The following TBC1D1 variants were observed in gnomAD, a reference collection of about 807,000 sequenced individuals.
TBC1D1 encodes the protein TBC1 domain family member 1, also known as TBC1 (tre-2/USP6, BUB2, cdc16) domain family, member 1.
A neutral mutation model predicts 125.6 loss-of-function variants in TBC1D1; 89 were observed. The observed-to-expected ratio is 0.71, with a 90% CI of 0.60 to 0.85. TBC1D1 has a LOEUF of 0.85. Ranked by LOEUF, TBC1D1 falls within the 40% of genes least tolerant of loss-of-function variation. The pLI is 0.00. For synonymous variants in TBC1D1, 565 were observed against 564.1 expected (o/e 1.00, Z -0.02); for missense variants, 1,377 against 1,469.2 (o/e 0.94, Z 1.03).
At chr4:38,047,492 G>C (rs887385213) in intron 10 of TBC1D1, among the ~76,000 whole-genome samples, 1 of 152,128 alleles carries the variant, frequency 6.6e-6, no homozygotes, top group African/African-American at 2.4e-5. Flanking sequence ...GTGTCGTCCA[G>C]CCTCCATCTA....
intron 1 of TBC1D1, among the ~76,000 whole-genome samples, chr4:37,891,597 G>A (rs1195655761): frequency 2.9e-5 from 4 of 139,144 alleles, no homozygotes; most frequent in Non-Finnish European, 6.1e-5. Flanking sequence ...CGACCCGAGA[G>A]CTCCGCCGGC....
chr4:38,092,253 A>G (rs1211657899), intron 13 of TBC1D1, among the ~76,000 whole-genome samples: 1 of 152,212 alleles, frequency 6.6e-6, no homozygotes, highest in Non-Finnish European at 1.5e-5. Flanking sequence ...TTTAAGCAAA[A>G]TGATGTATAA....
chr4:37,985,229 A>G (rs1181017228), intron 2 of TBC1D1, among the ~76,000 whole-genome samples: 1 of 152,214 alleles, frequency 6.6e-6, no homozygotes, highest in African/African-American at 2.4e-5. Flanking sequence ...CTGGGATTAC[A>G]GGCGTGAGCC....
chr4:38,050,523 A>G (rs915822218), intron 11 of TBC1D1, among the ~76,000 whole-genome samples: 1 of 152,240 alleles, frequency 6.6e-6, no homozygotes, highest in East Asian at 1.9e-4. Flanking sequence ...GGAGAAGAGT[A>G]ATCAGAAGTT....
chr4:38,014,462 C>A lies in TBC1D1; in HGVS notation c.418-47C>A. 1 of 1,570,614 alleles carries A rather than the reference C, an allele frequency of 6.4e-7. No individual in the cohort carries two copies. The highest frequency in any genetic ancestry group is 8.7e-7 in the Non-Finnish European group (1 of 1,146,622). ...GCATGGTGCATTCATTCCGTGAGTG[C>A]CAGCCACACTGCATGTTCCAAATAA... On this transcript the variant is annotated intron_variant, in intron 2 of 19. Transcript: ENST00000261439. This position sits in a 1 kb window ranked among gnomAD's most constrained non-coding sequence, Gnocchi z 5.1.
chr4:38,115,328 C>T (rs1201907555), intron 15 of TBC1D1, among the ~76,000 whole-genome samples: 1 of 152,116 alleles, frequency 6.6e-6, no homozygotes, highest in Non-Finnish European at 1.5e-5. Context: ...TCTCGAACTC[C>T]TGACCTCAGG....
chr4:37,925,146 C>G (rs558283369), intron 2 of TBC1D1, among the ~76,000 whole-genome samples: 3 of 152,168 alleles, frequency 2.0e-5, no homozygotes, highest in Non-Finnish European at 4.4e-5. Context: ...GGCTCCATGC[C>G]GAGGCACACA....
At chr4:38,075,100 A>G (rs565771914) in intron 12 of TBC1D1, among the ~76,000 whole-genome samples, 1 of 152,322 alleles carries the variant, frequency 6.6e-6, no homozygotes, top group African/African-American at 2.4e-5. Context: ...TACCTCTTTA[A>G]TGATGTTTTT....
intron 2 of TBC1D1, among the ~76,000 whole-genome samples, chr4:37,954,924 T>C (rs1238672376): frequency 7.2e-6 from 1 of 139,116 alleles, no homozygotes; most frequent in Non-Finnish European, 1.5e-5. Context: ...TCTCTCTCTG[T>C]CGTCCAGGCT....
rs988997974 is a variant in TBC1D1 at position 38,045,967 on chromosome 4, T to C, written c.1629+64T>C. On this transcript the variant is annotated intron_variant, in intron 10 of 19. Coordinates refer to ENST00000261439, the MANE Select transcript of TBC1D1 (RefSeq NM_015173.4). ...CAACAAATAGGTCTTGCTCATCTCC[T>C]GTCTACATACCTCCAATCATAAAAC... The C allele has an allele frequency of 2.9e-6, 4 of 1,367,938 alleles. No homozygotes were observed. In the African/African-American group the frequency reaches 5.7e-5, roughly 20 times the overall value. 84.7% of individuals were successfully genotyped at this position (1,367,938 alleles called of 1,614,324 possible).
chr4:38,089,809 T>G lies in TBC1D1; in HGVS notation c.2051-123T>G. ...TGCCAATGCATATTAACACAGGAAT[T>G]TTAAATTTGGTGATATTATTATATT... is the stretch of plus-strand genomic sequence containing the variant. On this transcript the variant is annotated intron_variant, in intron 12 of 19. Coordinates refer to ENST00000261439, the MANE Select transcript of TBC1D1 (RefSeq NM_015173.4). The G allele has an allele frequency of 3.7e-6, 4 of 1,073,222 alleles. No homozygotes were observed. In the South Asian group the frequency reaches 7.7e-5, roughly 21 times the overall value. The allele number at this position is 1,073,222 out of a possible 1,614,324, so 66.5% of individuals were successfully genotyped here. A position where few individuals can be genotyped will look rare whatever the true frequency, so the allele number is the denominator to read the frequency against.
intron 2 of TBC1D1, among the ~76,000 whole-genome samples, chr4:37,935,813 A>G (rs35284527): frequency 0.12 from 18,840 of 151,964 alleles, 1,486 homozygotes; most frequent in Admixed American, 0.2. Context: ...ACCCCTCCCA[A>G]TGGCTTACAT....
intron 7 of TBC1D1, among the ~76,000 whole-genome samples, chr4:38,029,569 A>G (rs1745742268): frequency 1.3e-5 from 2 of 152,136 alleles, no homozygotes; most frequent in Admixed American, 6.5e-5. Context: ...GGGTTTCACC[A>G]TATTGGCCAG....
At chr4:38,093,305 GAATCA>G (rs1405736311) in intron 13 of TBC1D1, among the ~76,000 whole-genome samples, 1 of 152,064 alleles carries the variant, frequency 6.6e-6, no homozygotes. Flanking sequence ...TTGAATAGAT[GAATCA>G]AATATTTTTT....
At chr4:37,952,026 G>A (rs1197934565) in intron 2 of TBC1D1, 20 of 717,544 alleles carry the variant, frequency 2.8e-5, no homozygotes, top group Admixed American at 6.0e-5. Flanking sequence ...CACTGTAGGG[G>A]ACCTTTGAAA....
At chr4:37,955,284 A>T (rs1578029203) in intron 2 of TBC1D1, among the ~76,000 whole-genome samples, 1 of 152,130 alleles carries the variant, frequency 6.6e-6, no homozygotes, top group Admixed American at 6.5e-5. Context: ...TTAATGAGAG[A>T]TTCCCATGAA....
chr4:37,998,765 C>CA (rs1738383184), intron 2 of TBC1D1, among the ~76,000 whole-genome samples: 2 of 152,138 alleles, frequency 1.3e-5, no homozygotes, highest in Non-Finnish European at 2.9e-5. Flanking sequence ...AGATGTAATC[C>CA]ACTGAAAGCA....
At chr4:37,904,843 T>C (rs1032869448) in intron 2 of TBC1D1, among the ~76,000 whole-genome samples, 1 of 152,364 alleles carries the variant, frequency 6.6e-6, no homozygotes. Context: ...GCCATGATGC[T>C]AACAGCGTGA....
intron 12 of TBC1D1, among the ~76,000 whole-genome samples, chr4:38,065,101 T>G (rs145314901): frequency 0.034 from 5,248 of 152,186 alleles, 126 homozygotes; most frequent in Non-Finnish European, 0.048. Flanking sequence ...TGGCTAATTT[T>G]TTTATTTTTA....
Sources: gnomAD v4.1 joint callset for allele counts (sites outside exome capture counted in the v4.1 genomes callset) on GRCh38, gnomAD v4.1.1 for gene constraint, Gnocchi (gnomAD v3.1) non-coding constraint, MANE v1.5 for transcripts, NCBI Gene and HGNC (gene_info 2026-07-23, HGNC 2026-07-21) for gene names.